Variants in NRG4 observed in about 807,000 individuals in gnomAD.
The protein encoded by NRG4 is pro-neuregulin-4, membrane-bound isoform.
NRG4 carries 10 observed loss-of-function variants against 15.0 expected under a neutral mutation model. The observed-to-expected ratio is 0.67, with a 90% CI of 0.41 to 1.13. The LOEUF (loss-of-function observed/expected upper bound fraction) is 1.13, where lower values mean the gene tolerates loss of function less well. Among genes scored for constraint, NRG4 ranks in the 50% most tolerant of loss-of-function variants. The pLI is 0.00. For missense variants in NRG4, 139 were observed against 140.2 expected (o/e 0.99, Z 0.04); for synonymous variants, 41 against 50.1 (o/e 0.82, Z 0.77).
At chr15:75,974,396 G>A (rs986843254) in intron 3 of NRG4, among the ~76,000 whole-genome samples, 1 of 151,896 alleles carries the variant, frequency 6.6e-6, no homozygotes, top group Admixed American at 6.6e-5. Context: ...GTTATTTCTT[G>A]TCTTCTGCTA....
intron 3 of NRG4, among the ~76,000 whole-genome samples, chr15:75,993,951 AATT>A (rs1244779842): frequency 1.3e-5 from 2 of 152,188 alleles, no homozygotes; most frequent in Non-Finnish European, 2.9e-5. Context: ...TAAGATTTAA[AATT>A]ATTATCTGCT....
intron 3 of NRG4, among the ~76,000 whole-genome samples, chr15:75,999,214 A>T (rs1188438511): frequency 6.6e-6 from 1 of 152,226 alleles, no homozygotes; most frequent in Non-Finnish European, 1.5e-5. Flanking sequence ...AAACATATAG[A>T]TAAAAATTTC....
downstream of NRG4, chr15:75,939,621 C>T (rs1305586160): frequency 6.6e-6 from 1 of 152,096 alleles, no homozygotes; most frequent in Non-Finnish European, 1.5e-5. Context: ...TCCTTATGAT[C>T]GCTGATTCAA....
intron 3 of NRG4, among the ~76,000 whole-genome samples, chr15:75,976,933 T>A (rs10152533): frequency 0.019 from 2,870 of 152,288 alleles, 104 homozygotes; most frequent in African/African-American, 0.066. Flanking sequence ...TGCCCACAGC[T>A]GCCCTTCCTG....
chr15:75,978,534 C>T (rs962520022), intron 3 of NRG4, among the ~76,000 whole-genome samples: 13 of 152,026 alleles, frequency 8.6e-5, no homozygotes, highest in East Asian at 1.9e-4. Flanking sequence ...CTTTAATATA[C>T]CTTTTATTTT....
In NRG4 at chr15:75,998,794, G is replaced by T. The variant is rs7176266; in HGVS notation, c.104+10406C>A. ...AAAAACACTCTTGAAGTACAGAAAA[G>T]GATTTGAACTAATGGGAAGACATAT... On this transcript the variant is annotated intron_variant, in intron 3 of 5. Coordinates refer to ENST00000394907, the MANE Select transcript of NRG4 (RefSeq NM_138573.4). 9.7e-4 allele frequency among the ~76,000 whole-genome samples: 148 copies of T among 152,258 alleles called. 1 individual carries two copies. The highest frequency in any genetic ancestry group is 3.3e-3 in the African/African-American group (138 of 41,550).
intron 5 of NRG4, among the ~76,000 whole-genome samples, chr15:75,946,038 C>G (rs967528629): frequency 1.3e-5 from 2 of 152,134 alleles, no homozygotes; most frequent in African/African-American, 4.8e-5. Flanking sequence ...AACACAAGCA[C>G]TGTGATACTG....
chr15:76,054,368 G>A (rs1567131285), intron 2 of NRG4, among the ~76,000 whole-genome samples: 1 of 151,906 alleles, frequency 6.6e-6, no homozygotes, highest in African/African-American at 2.4e-5. Flanking sequence ...TAGGATTACA[G>A]GTATGAGTCA....
intron 3 of NRG4, among the ~76,000 whole-genome samples, chr15:76,005,524 A>G (rs906126636): frequency 3.9e-5 from 6 of 151,984 alleles, no homozygotes; most frequent in Non-Finnish European, 7.4e-5. Context: ...CGCCTGTACT[A>G]AAAACACAAA....
At chr15:76,023,130 CCACACACACACACACACACACACACA>C (rs10572540) in intron 5 of NRG4, among the ~76,000 whole-genome samples, 3 of 120,104 alleles carry the variant, frequency 2.5e-5, no homozygotes, top group Admixed American at 8.4e-5. Flanking sequence ...CACCCATACT[CCACACACACACACACACACACACACA>C]CACACACACA....
At chr15:76,020,047 G>A (rs1470475695) in intron 5 of NRG4, among the ~76,000 whole-genome samples, 2 of 151,894 alleles carry the variant, frequency 1.3e-5, no homozygotes, top group South Asian at 2.1e-4. Flanking sequence ...TTATTCTATC[G>A]GTTATGGTGA....
At chr15:76,023,178 AC>A (rs1567116213) in intron 5 of NRG4, among the ~76,000 whole-genome samples, 5,834 of 137,828 alleles carry the variant, frequency 0.042, 218 homozygotes, top group Non-Finnish European at 0.061. Context: ...ACACACACAC[AC>A]ACACAAGCAA....
intron 5 of NRG4, among the ~76,000 whole-genome samples, chr15:76,022,755 G>C (rs1170705149): frequency 2.0e-5 from 3 of 152,134 alleles, no homozygotes; most frequent in Admixed American, 2.0e-4. Flanking sequence ...AAGGCAATGG[G>C]AAGCTTTGAA....
At chr15:76,048,674 G>A (rs919827046) in intron 4 of NRG4, among the ~76,000 whole-genome samples, 3 of 150,596 alleles carry the variant, frequency 2.0e-5, no homozygotes, top group South Asian at 2.1e-4. Context: ...TACCCTAAGC[G>A]CTGCCTCTCA....
At chr15:76,020,038 T>C (rs2035105035) in intron 5 of NRG4, among the ~76,000 whole-genome samples, 1 of 152,222 alleles carries the variant, frequency 6.6e-6, no homozygotes. Flanking sequence ...TTTTCATTAT[T>C]ATTCTATCGG....
intron 5 of NRG4, among the ~76,000 whole-genome samples, chr15:75,953,052 T>C (rs1387037651): frequency 6.6e-6 from 1 of 152,204 alleles, no homozygotes; most frequent in African/African-American, 2.4e-5. Flanking sequence ...TTTTTTCTTT[T>C]GTTGCTTGTA....
At chr15:76,042,198 T>G (rs529644944) in intron 4 of NRG4, among the ~76,000 whole-genome samples, 3 of 150,990 alleles carry the variant, frequency 2.0e-5, no homozygotes, top group Non-Finnish European at 4.4e-5. Flanking sequence ...AGAGAGAAGT[T>G]TATAGCTATA....
chr15:76,047,416 C>A (rs769728637), intron 4 of NRG4, among the ~76,000 whole-genome samples: 1 of 150,946 alleles, frequency 6.6e-6, no homozygotes, highest in African/African-American at 2.5e-5. Context: ...GATATACGTA[C>A]ACACTGGAGT....
intron 3 of NRG4, among the ~76,000 whole-genome samples, chr15:75,978,404 T>C (rs1218230278): frequency 6.6e-6 from 1 of 152,196 alleles, no homozygotes; most frequent in African/African-American, 2.4e-5. Context: ...CTGAATAATA[T>C]TCTATTGTGT....
Sources: allele counts gnomAD v4.1 joint callset (sites outside exome capture counted in the v4.1 genomes callset), GRCh38; gene constraint gnomAD v4.1.1; transcripts MANE v1.5; gene names NCBI Gene and HGNC (gene_info 2026-07-23, HGNC 2026-07-21).